The following TSEN15 variants were observed in gnomAD, a reference collection of about 807,000 sequenced individuals.
TSEN15 encodes tRNA-splicing endonuclease subunit Sen15.
In TSEN15, 10 loss-of-function variants were observed where a neutral mutation model predicts 20.5. That is an observed-to-expected ratio of 0.49 (90% CI 0.30 to 0.83). The LOEUF is 0.83. TSEN15 is among the 40% of genes least tolerant of loss of function. The probability of loss-of-function intolerance (pLI) is 0.06; values close to 1 mark genes in which losing one functional copy is unlikely to be tolerated. For synonymous variants in TSEN15, 72 were observed against 80.1 expected, an observed-to-expected ratio of 0.90 and a Z score of 0.54; for missense variants, 180 against 218.6, an observed-to-expected ratio of 0.82 and a Z score of 1.11.
Position 184,093,358 on chromosome 1 carries a change from G to A in TSEN15, c.354-2332G>A, listed in dbSNP as rs994551658. 2.6e-5 allele frequency among the ~76,000 whole-genome samples: 4 copies of A among 152,100 alleles called. No homozygotes were observed. In the South Asian group the frequency reaches 8.3e-4, roughly 32 times the overall value. The stretch of plus-strand genomic sequence containing the variant: ...TGGAGGCAGGGTGGTGGAGTGGAAG[G>A]GGCACAGGCTTTGACAGAACCCAAT... On this transcript the variant is annotated intron_variant, in intron 3 of 3. Coordinates refer to the TSEN15 transcript ENST00000643231.
At position 184,051,768 on chromosome 1, in the gene TSEN15, G is replaced by C; in HGVS notation, c.13G>C (p.Gly5Arg). The change falls in exon 1 of 5, where the codon GGC becomes CGC. Residue 5 changes from glycine to arginine, a missense_variant. Transcript: ENST00000645668. MEER[G>R]DSEPTPGCSG... Reference sequence around the variant, plus strand: ...CGCACCGGCCGGCATGGAGGAGCGCGGCGATTCCGAGCCGACCCCCGGCTG... The same window carrying C: ...CGCACCGGCCGGCATGGAGGAGCGCCGCGATTCCGAGCCGACCCCCGGCTG... 1 of 1,498,560 alleles carries C rather than the reference G, an allele frequency of 6.7e-7. No homozygotes were observed. Among genetic ancestry groups the C allele is most frequent in the Non-Finnish European group, 8.9e-7 (1 of 1,124,216 alleles). 92.8% of individuals were successfully genotyped at this position (1,498,560 alleles called of 1,614,324 possible). A position where few individuals can be genotyped will look rare whatever the true frequency, so the allele number is the denominator to read the frequency against.
intron 3 of TSEN15, among the ~76,000 whole-genome samples, chr1:184,067,971 T>TATATATATATAC (rs1557883607): frequency 7.5e-6 from 1 of 133,152 alleles, no homozygotes; most frequent in African/African-American, 2.7e-5. Flanking sequence ...TATATATATA[T>TATATATATATAC]GTACATATGT....
intron 3 of TSEN15, among the ~76,000 whole-genome samples, chr1:184,090,902 T>C (rs1229167935): frequency 6.6e-6 from 1 of 152,152 alleles, no homozygotes; most frequent in East Asian, 1.9e-4. Context: ...TCTTGACCAA[T>C]TTTCTGTAGT....
chr1:184,085,485 C>T (rs1651246890), intron 3 of TSEN15, among the ~76,000 whole-genome samples: 1 of 152,066 alleles, frequency 6.6e-6, no homozygotes, highest in Non-Finnish European at 1.5e-5. Flanking sequence ...AAAATAATGT[C>T]AAGTGATGAC....
rs147589413 is a variant in TSEN15 at position 184,063,911 on chromosome 1, T to A, written c.354-8246T>A. Reference sequence around the variant, plus strand: ...AAAAATGTTATAAATGTATTTGATTTTACTTTTTATTTAAATATAATTAAT... The same window carrying A: ...AAAAATGTTATAAATGTATTTGATTATACTTTTTATTTAAATATAATTAAT... On this transcript the variant is annotated intron_variant, in intron 3 of 4. Coordinates refer to ENST00000645668, the MANE Select transcript of TSEN15 (RefSeq NM_052965.4). Among the ~76,000 whole-genome samples the A allele has an allele frequency of 3.1e-3, 470 of 152,318 alleles. 2 individuals are homozygous for A. Among genetic ancestry groups the A allele is most frequent in the African/African-American group, 7.4e-3 (306 of 41,580 alleles).
intron 3 of TSEN15, among the ~76,000 whole-genome samples, chr1:184,091,090 A>G (rs1003238359): frequency 6.6e-6 from 1 of 152,208 alleles, no homozygotes; most frequent in Non-Finnish European, 1.5e-5. Flanking sequence ...CTCTAGTCTC[A>G]GTACCACTCT....
chr1:184,079,207 T>A (rs533292387), downstream of TSEN15, among the ~76,000 whole-genome samples: 50 of 152,296 alleles, frequency 3.3e-4, 1 homozygote, highest in East Asian at 9.5e-3. Context: ...TAGGTGGGTG[T>A]GCTATTATAA....
chr1:184,070,946 A>G (rs562785931), intron 3 of TSEN15: 105 of 169,902 alleles, frequency 6.2e-4, no homozygotes, highest in African/African-American at 2.4e-3. Context: ...GTACCTTAGT[A>G]TGTTTGGGTT....
At chr1:184,067,941 AATATATAT>A (rs58463457) in intron 3 of TSEN15, among the ~76,000 whole-genome samples, 58 of 95,560 alleles carry the variant, frequency 6.1e-4, no homozygotes, top group African/African-American at 1.8e-3. Context: ...AAAAAAAAAA[AATATATAT>A]ATATATATAT....
intron 3 of TSEN15, chr1:184,093,502 G>A (rs1323820857): frequency 6.6e-6 from 1 of 152,156 alleles, no homozygotes; most frequent in Non-Finnish European, 1.5e-5. Flanking sequence ...AGGATTAAAT[G>A]TGATGAATAT....
chr1:184,083,134 A>C (rs1300959139), intron 3 of TSEN15, among the ~76,000 whole-genome samples: 1 of 152,160 alleles, frequency 6.6e-6, no homozygotes, highest in Admixed American at 6.5e-5. Context: ...GTCTTATTTG[A>C]TTGCATTCAA....
intron 3 of TSEN15, chr1:184,094,776 T>C: frequency 2.7e-6 from 1 of 363,898 alleles, no homozygotes; most frequent in Non-Finnish European, 4.9e-6. Flanking sequence ...GCCTGAAATT[T>C]GTGCTATAAG....
chr1:184,070,466 T>A (rs1167219000), intron 3 of TSEN15: 1 of 325,898 alleles, frequency 3.1e-6, no homozygotes, highest in Non-Finnish European at 6.0e-6. Context: ...TGTGAAGTAA[T>A]CATGATACAT....
chr1:184,063,022 A>G (rs186574295), intron 3 of TSEN15, among the ~76,000 whole-genome samples: 3 of 152,226 alleles, frequency 2.0e-5, no homozygotes, highest in African/African-American at 4.8e-5. Flanking sequence ...TACGTGAATC[A>G]TTCATCCTTT....
chr1:184,079,505 AT>A (rs1211832226), intron 3 of TSEN15, among the ~76,000 whole-genome samples: 1 of 152,078 alleles, frequency 6.6e-6, no homozygotes, highest in Non-Finnish European at 1.5e-5. Context: ...TGGCTTTCAG[AT>A]GGCAGCCTTC....
At position 184,051,734 on chromosome 1, in the gene TSEN15, CG is replaced by C; in HGVS notation, c.-19del. 1.4e-6 allele frequency: 2 copies of C among 1,392,086 alleles called. No individual in the cohort carries two copies. The highest frequency in any genetic ancestry group is 1.6e-5 in the South Asian group (1 of 63,196). The allele number at this position is 1,392,086 out of a possible 1,614,324, so 86.2% of individuals were successfully genotyped here. A position where few individuals can be genotyped will look rare whatever the true frequency, so the allele number is the denominator to read the frequency against. ...GCCGGGCGCGGGTCGTGGTGCACCA[CG>C]GGAGCGCCGCACCGGCCGGCATGGA... On this transcript the variant is annotated 5_prime_UTR_variant, in exon 1 of 5. Transcript: ENST00000645668.
At chr1:184,066,712 A>C (rs1650677037) in intron 3 of TSEN15, among the ~76,000 whole-genome samples, 1 of 151,988 alleles carries the variant, frequency 6.6e-6, no homozygotes, top group Non-Finnish European at 1.5e-5. Flanking sequence ...GGCTTGTAAT[A>C]GGCCTTAAAG....
At chr1:184,062,722 C>T (rs895661285) in intron 3 of TSEN15, among the ~76,000 whole-genome samples, 14 of 151,834 alleles carry the variant, frequency 9.2e-5, no homozygotes, top group African/African-American at 3.4e-4. Flanking sequence ...GTTTTCTAGT[C>T]TTTAACTACT....
rs149553907 is a variant in TSEN15 at position 184,066,988 on chromosome 1, G to A, written c.354-5169G>A. Among the ~76,000 whole-genome samples the A allele has an allele frequency of 5.6e-3, 858 of 152,150 alleles. 6 individuals carry two copies. Among genetic ancestry groups the A allele is most frequent in the African/African-American group, 0.02 (810 of 41,516 alleles). ...CTCACATAGATCCTATAAATATTTT[G>A]TTAGATTTATACCTAAATATTTATC... On this transcript the variant is annotated intron_variant, in intron 3 of 4. Transcript: ENST00000645668.
Sources: gnomAD v4.1 joint callset for allele counts (sites outside exome capture counted in the v4.1 genomes callset) on GRCh38, gnomAD v4.1.1 for gene constraint, MANE v1.5 for transcripts, NCBI Gene and HGNC (gene_info 2026-07-23, HGNC 2026-07-21) for gene names.